The following SPCS3 variants were observed in gnomAD, a reference collection of about 807,000 sequenced individuals.
SPCS3 encodes signal peptidase complex subunit 3.
SPCS3 carries 9 observed loss-of-function variants against 17.2 expected under a neutral mutation model. The observed-to-expected ratio is 0.52, with a 90% CI of 0.31 to 0.91. SPCS3 has a LOEUF of 0.91. Among genes scored for constraint, SPCS3 ranks in the 40% least tolerant of loss-of-function variants. The pLI is 0.04. For missense variants in SPCS3, 139 were observed against 217.5 expected, an observed-to-expected ratio of 0.64 and a Z score of 2.27; for synonymous variants, 87 against 89.6, an observed-to-expected ratio of 0.97 and a Z score of 0.16.
intron 4 of SPCS3, 31 bp downstream of exon 4, chr4:176,327,308 TA>T: frequency 7.9e-7 from 1 of 1,268,050 alleles, no homozygotes; most frequent in African/African-American, 1.5e-5. Context: ...TTTTTACATT[TA>T]ATAAGAGGTG....
chr4:176,326,385 G>A (rs767289534), intron 3 of SPCS3, among the ~76,000 whole-genome samples: 1 of 152,064 alleles, frequency 6.6e-6, no homozygotes, highest in Admixed American at 6.5e-5. Flanking sequence ...CCTTAAAAGC[G>A]AATAGATGCT....
chr4:176,330,056 GAC>G lies in SPCS3; in HGVS notation c.*1728_*1729del, dbSNP rs766218576. The G allele has an allele frequency of 7.2e-5, 11 of 152,076 alleles. No individual in the cohort carries two copies. The highest frequency in any genetic ancestry group is 1.3e-4 in the Admixed American group (2 of 15,262). 9.4% of individuals were successfully genotyped at this position (152,076 alleles called of 1,614,324 possible). Reference sequence around the variant, plus strand: ...GTCTTGGTTTCTTTATCTGTAAAATGACAGAGTTGGACCAGTTAACTTTAATG... The same window carrying G: ...GTCTTGGTTTCTTTATCTGTAAAATGAGAGTTGGACCAGTTAACTTTAATG... On this transcript the variant is annotated 3_prime_UTR_variant, in exon 5 of 5. Coordinates refer to ENST00000503362, the MANE Select transcript of SPCS3 (RefSeq NM_021928.4).
chr4:176,324,709 A>G lies in SPCS3; in HGVS notation c.294+452A>G, dbSNP rs1579358016. 2.0e-5 allele frequency among the ~76,000 whole-genome samples: 3 copies of G among 152,388 alleles called. 1 individual carries two copies. The highest frequency in any genetic ancestry group is 4.4e-5 in the Non-Finnish European group (3 of 68,034). On this transcript the variant is annotated intron_variant, in intron 3 of 4. Transcript: ENST00000503362. Reference sequence around the variant, plus strand: ...TATATGCAATACATAAGTGGATTATATTATAAAATTTTAGCCAATCCTTTC... The same window carrying G: ...TATATGCAATACATAAGTGGATTATGTTATAAAATTTTAGCCAATCCTTTC...
rs1731666306 is a variant in SPCS3, at chr4:176,330,253, C to T, written c.*1923C>T. On this transcript the variant is annotated 3_prime_UTR_variant, in exon 5 of 5. Transcript: ENST00000503362. Reference sequence around the variant, plus strand: ...ATTTTACACTCTGAAAATTTCACCTCATTTAGTTTGTACAAATACTAGACA... The same window carrying T: ...ATTTTACACTCTGAAAATTTCACCTTATTTAGTTTGTACAAATACTAGACA... 1 of 152,168 alleles carries T rather than the reference C, an allele frequency of 6.6e-6. No individual in the cohort carries two copies. The highest frequency in any genetic ancestry group is 1.5e-5 in the Non-Finnish European group (1 of 68,026). The allele number at this position is 152,168 out of a possible 1,614,324, so 9.4% of individuals were successfully genotyped here. A position where few individuals can be genotyped will look rare whatever the true frequency, so the allele number is the denominator to read the frequency against.
At chr4:176,320,574 C>T (rs910746254) in intron 1 of SPCS3, 1 of 156,240 alleles carries the variant, frequency 6.4e-6, no homozygotes, top group Non-Finnish European at 1.4e-5. Context: ...CCGCCGCCCG[C>T]CTGGGCTGGC....
chr4:176,331,068 G>T lies in SPCS3; in HGVS notation c.*2738G>T, dbSNP rs1275189799. Reference sequence around the variant, plus strand: ...GAATTATTTTACAGTTCTTTGGTGGGTCTCGTCAGCCAATTCATAGCTGGG... The same window carrying T: ...GAATTATTTTACAGTTCTTTGGTGGTTCTCGTCAGCCAATTCATAGCTGGG... On this transcript the variant is annotated 3_prime_UTR_variant, in exon 5 of 5. Transcript: ENST00000503362. 6.6e-6 allele frequency: 1 copy of T among 152,048 alleles called. No individual in the cohort carries two copies. Among genetic ancestry groups the T allele is most frequent in the Non-Finnish European group, 1.5e-5 (1 of 68,016 alleles). 9.4% of individuals were successfully genotyped at this position (152,048 alleles called of 1,614,324 possible).
At chr4:176,323,640 G>A (rs1731566286) in intron 2 of SPCS3, among the ~76,000 whole-genome samples, 1 of 152,168 alleles carries the variant, frequency 6.6e-6, no homozygotes, top group Non-Finnish European at 1.5e-5. Context: ...TTGGGAGACT[G>A]AATTGAGCCA....
chr4:176,324,832 G>A (rs1026984003), intron 3 of SPCS3, among the ~76,000 whole-genome samples: 1 of 152,066 alleles, frequency 6.6e-6, no homozygotes, highest in African/African-American at 2.4e-5. Context: ...GAAAATGGTG[G>A]AGCTCATACT....
chr4:176,320,204 T>C lies in SPCS3; in HGVS notation c.128T>C (p.Val43Ala). The change falls in exon 1 of 5, where the codon GTC becomes GCC. Residue 43 changes from valine (V) to alanine (A), a missense_variant. By Grantham distance (64) the Val-to-Ala change is moderately conservative (BLOSUM62 0). Transcript: ENST00000503362. ...KDRSVPVRLHVSRIMLKNVED... is the reference protein window; with the variant it reads ...KDRSVPVRLHASRIMLKNVED... Reference sequence around the variant, plus strand: ...AGGAGCGTCCCGGTGCGGCTGCACGTCTCGCGGATCATGCTGTGAGTGAGG... The same window carrying C: ...AGGAGCGTCCCGGTGCGGCTGCACGCCTCGCGGATCATGCTGTGAGTGAGG... 6.4e-7 allele frequency: 1 copy of C among 1,571,036 alleles called. No individual in the cohort carries two copies. Among genetic ancestry groups the C allele is most frequent in the Non-Finnish European group, 8.6e-7 (1 of 1,159,720 alleles).
chr4:176,320,426 C>T, intron 1 of SPCS3: 1 of 321,856 alleles, frequency 3.1e-6, no homozygotes, highest in Non-Finnish European at 5.5e-6. Context: ...TGCACCCCTC[C>T]ACCGTAAATT....
chr4:176,327,067 A>G (rs1165876901), intron 3 of SPCS3, 95 bp from the exon 4 acceptor site: 13 of 691,906 alleles, frequency 1.9e-5, no homozygotes, highest in African/African-American at 5.7e-5. Flanking sequence ...TGAATTCATT[A>G]ACATGTCAAA....
chr4:176,327,542 G>A (rs1253558519), intron 4 of SPCS3, among the ~76,000 whole-genome samples: 1 of 152,184 alleles, frequency 6.6e-6, no homozygotes, highest in African/African-American at 2.4e-5. Context: ...TTGTTCAGAT[G>A]CGGTAGGGCT....
In SPCS3 at chr4:176,320,230, C is replaced by G; in HGVS notation, c.143+11C>G. On this transcript the variant is annotated intron_variant, in intron 1 of 4. Coordinates refer to ENST00000503362, the MANE Select transcript of SPCS3 (RefSeq NM_021928.4). ...CTCGCGGATCATGCTGTGAGTGAGGCCGGGCCGGCGGTGCAGGACGCCGGG... is the reference window on the plus strand; with the variant it reads ...CTCGCGGATCATGCTGTGAGTGAGGGCGGGCCGGCGGTGCAGGACGCCGGG... 1 of 1,549,584 alleles carries G rather than the reference C, an allele frequency of 6.5e-7. No individual in the cohort carries two copies.
chr4:176,324,337 T>G (rs35827677), intron 3 of SPCS3, 80 bp downstream of exon 3: 61,608 of 665,506 alleles, frequency 0.093, 3,151 homozygotes, highest in Middle Eastern at 0.14. Context: ...TTTTATATAT[T>G]TAAAATATCT....
chr4:176,320,278 AGCCGGGCCGCCGCGCCGGG>A, intron 1 of SPCS3, 59 bp downstream of exon 1: 2 of 1,312,298 alleles, frequency 1.5e-6, no homozygotes, highest in Admixed American at 8.0e-5. Flanking sequence ...CGGAAGCCGA[AGCCGGGCCGCCGCGCCGGG>A]GCTGCCGTGC....
intron 3 of SPCS3, among the ~76,000 whole-genome samples, chr4:176,325,794 A>G (rs1436170913): frequency 6.6e-6 from 1 of 151,816 alleles, no homozygotes; most frequent in Non-Finnish European, 1.5e-5. Flanking sequence ...TCCAGGCTGG[A>G]GTACAGTAGT....
intron 3 of SPCS3, among the ~76,000 whole-genome samples, chr4:176,325,542 A>G (rs1056092894): frequency 6.6e-6 from 1 of 150,576 alleles, no homozygotes; most frequent in African/African-American, 2.5e-5. Flanking sequence ...AATCCATCTT[A>G]GTACCAGATA....
At position 176,324,252 on chromosome 4, in the gene SPCS3, A is replaced by C. The variant is rs751256066; in HGVS notation, c.289A>C (p.Asn97His). 3 of 1,132,630 alleles carry C rather than the reference A, an allele frequency of 2.6e-6. No homozygotes were observed. The highest frequency in any genetic ancestry group is 3.7e-6 in the Non-Finnish European group (3 of 817,716). 70.2% of individuals were successfully genotyped at this position (1,132,630 alleles called of 1,614,324 possible). ...TTTATCAGCAGAATATTCAACAAAA[A>C]ATAATGTAAGTATATCTAATTAGAA... ...LYLSAEYSTK[N>H]NALNQVVLWD... Residue 97 changes from asparagine (N) to histidine (H), a missense_variant, in exon 3 of 5, where the codon AAT (asparagine) becomes CAT (histidine). Transcript: ENST00000503362.
chr4:176,322,015 G>A (rs1184671231), intron 1 of SPCS3, 155 bp from the exon 2 acceptor site: 1 of 489,344 alleles, frequency 2.0e-6, no homozygotes, highest in African/African-American at 2.0e-5. Context: ...TGTTTCTCCT[G>A]TTTTCACACT....
Sources: allele counts gnomAD v4.1 joint callset (sites outside exome capture counted in the v4.1 genomes callset), GRCh38; gene constraint gnomAD v4.1.1; transcripts MANE v1.5; gene names NCBI Gene and HGNC (gene_info 2026-07-23, HGNC 2026-07-21).